The following DOCK4 variants were observed in gnomAD, a reference collection of about 807,000 sequenced individuals.
DOCK4 encodes the protein dedicator of cytokinesis 4.
A neutral mutation model predicts 268.1 loss-of-function variants in DOCK4; 97 were observed. The ratio of observed to expected loss-of-function variants is 0.36; its 90% confidence interval spans 0.31 to 0.43. DOCK4 has a LOEUF of 0.43. Among genes scored for constraint, DOCK4 ranks in the 20% least tolerant of loss-of-function variants. DOCK4 has a pLI of 1.00. For missense variants in DOCK4, 2,145 were observed against 2,455.7 expected (o/e 0.87, Z 2.67); for synonymous variants, 954 against 887.2 (o/e 1.08, Z -1.34).
chr7:111,944,241 G>A (rs1383936065), intron 10 of DOCK4, among the ~76,000 whole-genome samples: 1 of 152,138 alleles, frequency 6.6e-6, no homozygotes, highest in Non-Finnish European at 1.5e-5. Context: ...CAAATTTGAG[G>A]AAAACTAGGG....
At chr7:111,855,725 C>T (rs1342689815) in intron 23 of DOCK4, among the ~76,000 whole-genome samples, 2 of 152,164 alleles carry the variant, frequency 1.3e-5, no homozygotes, top group East Asian at 1.9e-4. Flanking sequence ...CCATCACATA[C>T]GCTGCTGTAC....
intron 5 of DOCK4, among the ~76,000 whole-genome samples, chr7:111,993,127 G>A (rs1799666825): frequency 6.6e-6 from 1 of 152,192 alleles, no homozygotes; most frequent in South Asian, 2.1e-4. Flanking sequence ...GTTTTCACTA[G>A]TGACTTTGTC....
chr7:111,836,907 A>T (rs569938519), intron 25 of DOCK4, among the ~76,000 whole-genome samples: 163 of 152,298 alleles, frequency 1.1e-3, no homozygotes, highest in Non-Finnish European at 1.6e-3. Context: ...AACTTCAAGT[A>T]GCAGAATATC....
At chr7:112,148,277 C>G (rs1815706594) in intron 1 of DOCK4, among the ~76,000 whole-genome samples, 1 of 152,110 alleles carries the variant, frequency 6.6e-6, no homozygotes. Context: ...TCTCAGCTCT[C>G]CAGAGTGCTG....
intron 8 of DOCK4, among the ~76,000 whole-genome samples, chr7:111,949,940 CTTTT>C (rs1261896507): frequency 7.2e-5 from 11 of 152,222 alleles, no homozygotes; most frequent in Admixed American, 2.0e-4. Context: ...TCCTTTCTTT[CTTTT>C]GAGACGGAGT....
chr7:111,794,812 T>A (rs1455911169), intron 30 of DOCK4, among the ~76,000 whole-genome samples: 1 of 152,110 alleles, frequency 6.6e-6, no homozygotes, highest in African/African-American at 2.4e-5. Flanking sequence ...TACAATGAAT[T>A]CTTAATCACT....
rs148965079 is a variant in DOCK4 at position 111,825,483 on chromosome 7, A to G, written c.2836-3027T>C. On this transcript the variant is annotated intron_variant, in intron 26 of 52. Coordinates refer to ENST00000428084, the MANE Select transcript of DOCK4 (RefSeq NM_001363540.2). ...TAAATATGTGTTTTTGCATAGATAGATGTGGTTATTTTGCACATACAACTA... is the reference window on the plus strand; with the variant it reads ...TAAATATGTGTTTTTGCATAGATAGGTGTGGTTATTTTGCACATACAACTA... Among the ~76,000 whole-genome samples the G allele has an allele frequency of 4.8e-3, 731 of 151,880 alleles. 8 individuals carry two copies. Among genetic ancestry groups the G allele is most frequent in the African/African-American group, 0.017 (694 of 41,446 alleles).
At chr7:112,200,582 A>G (rs1820819309) in intron 1 of DOCK4, among the ~76,000 whole-genome samples, 1 of 152,142 alleles carries the variant, frequency 6.6e-6, no homozygotes. Context: ...TCACTGTGAT[A>G]GAAACATAGA....
chr7:111,849,268 T>TC (rs1015039308), intron 23 of DOCK4, among the ~76,000 whole-genome samples: 1 of 150,916 alleles, frequency 6.6e-6, no homozygotes, highest in African/African-American at 2.4e-5. Context: ...GTTACTTTTT[T>TC]TTTTTTTTTT....
chr7:111,742,936 G>A (rs935899972), intron 44 of DOCK4, among the ~76,000 whole-genome samples: 1 of 151,652 alleles, frequency 6.6e-6, no homozygotes, highest in Non-Finnish European at 1.5e-5. Flanking sequence ...AGGTTGTAGT[G>A]AGCCAAGATC....
At chr7:111,777,425 A>G (rs1047220007) in intron 36 of DOCK4, among the ~76,000 whole-genome samples, 1 of 152,222 alleles carries the variant, frequency 6.6e-6, no homozygotes, top group Non-Finnish European at 1.5e-5. Flanking sequence ...AATAATAGAA[A>G]TGGTAAACAT....
At chr7:112,121,722 C>T (rs868795402) in intron 1 of DOCK4, among the ~76,000 whole-genome samples, 3 of 152,156 alleles carry the variant, frequency 2.0e-5, no homozygotes, top group African/African-American at 4.8e-5. Flanking sequence ...GGCTCATGGA[C>T]CAACATACAG....
intron 1 of DOCK4, among the ~76,000 whole-genome samples, chr7:112,098,110 T>A (rs1027110251): frequency 6.6e-6 from 1 of 152,220 alleles, no homozygotes; most frequent in Non-Finnish European, 1.5e-5. Flanking sequence ...ATAATCCATA[T>A]ACCTCTGCTC....
chr7:111,812,105 A>G (rs568710398), intron 27 of DOCK4, among the ~76,000 whole-genome samples, 156 bp from the exon 28 acceptor site: 34 of 152,340 alleles, frequency 2.2e-4, no homozygotes, highest in African/African-American at 7.9e-4. Flanking sequence ...AAGAGACAAC[A>G]GGTCAATAAA....
chr7:112,021,912 A>G (rs1802353866), intron 1 of DOCK4, among the ~76,000 whole-genome samples: 1 of 152,206 alleles, frequency 6.6e-6, no homozygotes, highest in African/African-American at 2.4e-5. Context: ...TACAAACCCC[A>G]GAAAGCTCAG....
At chr7:111,766,015 G>C (rs1797738041) in intron 38 of DOCK4, among the ~76,000 whole-genome samples, 2 of 152,104 alleles carry the variant, frequency 1.3e-5, no homozygotes, top group South Asian at 4.1e-4. Flanking sequence ...GCACCCAAGG[G>C]CTCTCACAAG....
Position 111,736,929 on chromosome 7 carries a change from C to CAGAG in DOCK4, c.5289_5292dup (p.Ala1765LeufsTer4). The stretch of plus-strand genomic sequence containing the variant: ...GGGCTGGCCTTACCTTTTTCAGGTG[C>CAGAG]AGAGAGATTTGGGTCACTGCGTGGC... On this transcript the variant is annotated frameshift_variant, in exon 50 of 53. Transcript: ENST00000428084. LOFTEE classifies it high-confidence loss of function. 6.2e-7 allele frequency: 1 copy of CAGAG among 1,602,286 alleles called. No individual in the cohort carries two copies. Among genetic ancestry groups the CAGAG allele is most frequent in the African/African-American group, 1.3e-5 (1 of 74,920 alleles).
intron 1 of DOCK4, among the ~76,000 whole-genome samples, chr7:112,084,682 C>T (rs914077382): frequency 6.6e-6 from 1 of 152,032 alleles, no homozygotes; most frequent in South Asian, 2.1e-4. Context: ...ATAATGAAAA[C>T]GAAAGAAAAT....
At chr7:112,049,242 C>A (rs1805133426) in intron 1 of DOCK4, among the ~76,000 whole-genome samples, 1 of 151,866 alleles carries the variant, frequency 6.6e-6, no homozygotes, top group Non-Finnish European at 1.5e-5. Flanking sequence ...TACGACAGTA[C>A]CACAAAGGCT....
Sources: allele counts gnomAD v4.1 joint callset (sites outside exome capture counted in the v4.1 genomes callset), GRCh38; gene constraint gnomAD v4.1.1; transcripts MANE v1.5; gene names NCBI Gene and HGNC (gene_info 2026-07-23, HGNC 2026-07-21).